The following GALNT7 variants were observed in gnomAD, a reference collection of about 807,000 sequenced individuals.
The protein encoded by GALNT7 is N-acetylgalactosaminyltransferase 7.
A neutral mutation model predicts 82.1 loss-of-function variants in GALNT7; 60 were observed. The ratio of observed to expected loss-of-function variants is 0.73; its 90% CI spans 0.59 to 0.91. GALNT7 has a LOEUF of 0.91. Among genes scored for constraint, GALNT7 ranks in the 40% least tolerant of loss-of-function variants. The pLI is 0.00. For synonymous variants in GALNT7, 243 were observed against 275.1 expected, an observed-to-expected ratio of 0.88 and a Z score of 1.15; for missense variants, 660 against 804.2, an observed-to-expected ratio of 0.82 and a Z score of 2.17.
chr4:173,271,449 G>A (rs568242311), intron 2 of GALNT7, among the ~76,000 whole-genome samples: 28 of 142,684 alleles, frequency 2.0e-4, no homozygotes, highest in African/African-American at 8.1e-4. Flanking sequence ...TTGTTTGTTT[G>A]TTTATTTATT....
chr4:173,270,480 T>C (rs1735681575), intron 2 of GALNT7, among the ~76,000 whole-genome samples: 1 of 152,220 alleles, frequency 6.6e-6, no homozygotes, highest in African/African-American at 2.4e-5. Flanking sequence ...GCCTCCTTTC[T>C]TTTATGAAGG....
At position 173,205,638 on chromosome 4, in the gene GALNT7, G is replaced by A. The variant is rs371469462; in HGVS notation, c.126+36677G>A. Among the ~76,000 whole-genome samples, 34 of 152,284 alleles carry A rather than the reference G, an allele frequency of 2.2e-4. 2 individuals carry two copies. The South Asian group carries it at 7.0e-3, about 32-fold the overall frequency. ...TCAGACCCAGTCCAATGACAGGTTA[G>A]CCAGCTGAATGACAGACCCATCCCC... On this transcript the variant is annotated intron_variant, in intron 1 of 11. Coordinates refer to ENST00000265000, the MANE Select transcript of GALNT7 (RefSeq NM_017423.3).
chr4:173,308,687 G>A (rs1012042955), intron 8 of GALNT7, among the ~76,000 whole-genome samples: 8 of 152,110 alleles, frequency 5.3e-5, no homozygotes, highest in Non-Finnish European at 8.8e-5. Flanking sequence ...GGAGGATCAC[G>A]AGGTCAGGAG....
chr4:173,235,208 G>C (rs1479030684), intron 1 of GALNT7, among the ~76,000 whole-genome samples: 2 of 152,114 alleles, frequency 1.3e-5, no homozygotes, highest in Non-Finnish European at 2.9e-5. Context: ...TCAGCCAGGG[G>C]ATTGTTTTCA....
chr4:173,251,197 A>G (rs1734835302), intron 2 of GALNT7, among the ~76,000 whole-genome samples: 1 of 152,234 alleles, frequency 6.6e-6, no homozygotes, highest in Non-Finnish European at 1.5e-5. Flanking sequence ...GAAATCAGCC[A>G]GGGTTCAAAC....
At chr4:173,269,908 A>G (rs1455651417) in intron 2 of GALNT7, among the ~76,000 whole-genome samples, 1 of 152,218 alleles carries the variant, frequency 6.6e-6, no homozygotes, top group Non-Finnish European at 1.5e-5. Context: ...AGTTGCAGTC[A>G]TGATGCTAGG....
chr4:173,265,994 A>G (rs180832853), intron 2 of GALNT7, among the ~76,000 whole-genome samples: 59 of 152,294 alleles, frequency 3.9e-4, no homozygotes, highest in Admixed American at 1.6e-3. Context: ...TCAATGGCTC[A>G]TGCCTGTAAT....
At chr4:173,282,979 A>G (rs1736169040) in intron 2 of GALNT7, among the ~76,000 whole-genome samples, 1 of 152,198 alleles carries the variant, frequency 6.6e-6, no homozygotes, top group South Asian at 2.1e-4. Context: ...ATTGCCCAGA[A>G]CTAGAATATT....
chr4:173,213,722 T>C (rs1046314149), intron 1 of GALNT7, among the ~76,000 whole-genome samples: 8 of 152,196 alleles, frequency 5.3e-5, no homozygotes, highest in African/African-American at 1.9e-4. Context: ...TTCACTCTTA[T>C]GAAATTAAAG....
chr4:173,287,802 G>A (rs972410788), intron 2 of GALNT7, among the ~76,000 whole-genome samples: 25 of 152,222 alleles, frequency 1.6e-4, no homozygotes, highest in Non-Finnish European at 2.9e-4. Context: ...GGGTCCAGGA[G>A]AGATTGTATT....
At chr4:173,226,587 G>A (rs956273866) in intron 1 of GALNT7, among the ~76,000 whole-genome samples, 3 of 152,060 alleles carry the variant, frequency 2.0e-5, no homozygotes, top group African/African-American at 4.8e-5. Context: ...CCTTCATCCC[G>A]TGATTTTCTG....
chr4:173,217,918 T>C (rs1202272551), intron 1 of GALNT7, among the ~76,000 whole-genome samples: 4 of 152,076 alleles, frequency 2.6e-5, no homozygotes, highest in Non-Finnish European at 2.9e-5. Flanking sequence ...AGCCAAAAGA[T>C]AAAAAAATGC....
At chr4:173,284,736 AAC>A (rs1736257081) in intron 2 of GALNT7, among the ~76,000 whole-genome samples, 1 of 151,960 alleles carries the variant, frequency 6.6e-6, no homozygotes, top group African/African-American at 2.4e-5. Flanking sequence ...AAAAAACAAC[AAC>A]AAAAAAAACC....
At chr4:173,189,592 C>A (rs1435409938) in intron 1 of GALNT7, among the ~76,000 whole-genome samples, 1 of 152,212 alleles carries the variant, frequency 6.6e-6, no homozygotes, top group African/African-American at 2.4e-5. Flanking sequence ...AATTTTTCTG[C>A]ATAGGCAAGA....
intron 1 of GALNT7, among the ~76,000 whole-genome samples, chr4:173,171,376 A>G (rs969163839): frequency 6.6e-6 from 1 of 152,216 alleles, no homozygotes; most frequent in African/African-American, 2.4e-5. Context: ...TGATCTACAC[A>G]TGGACTTTTT....
At chr4:173,252,070 C>G (rs1283504565) in intron 2 of GALNT7, among the ~76,000 whole-genome samples, 1 of 152,176 alleles carries the variant, frequency 6.6e-6, no homozygotes, top group Admixed American at 6.5e-5. Flanking sequence ...AGAATGTGGA[C>G]AATCTTTGGA....
chr4:173,257,749 A>G (rs1185577662), intron 2 of GALNT7, among the ~76,000 whole-genome samples: 1 of 152,216 alleles, frequency 6.6e-6, no homozygotes, highest in African/African-American at 2.4e-5. Flanking sequence ...AATGGAAAAT[A>G]TTCGTGCATT....
At chr4:173,171,153 G>A (rs899804292) in intron 1 of GALNT7, among the ~76,000 whole-genome samples, 3 of 152,194 alleles carry the variant, frequency 2.0e-5, no homozygotes, top group Non-Finnish European at 2.9e-5. Context: ...GCAATTTAAA[G>A]TGTAGCTTAT....
chr4:173,192,653 C>T (rs1357651801), intron 1 of GALNT7, among the ~76,000 whole-genome samples: 1 of 152,182 alleles, frequency 6.6e-6, no homozygotes, highest in African/African-American at 2.4e-5. Flanking sequence ...ATTGGGAAAC[C>T]ATCAGAATGC....
Sources: gnomAD v4.1 joint callset for allele counts (sites outside exome capture counted in the v4.1 genomes callset) on GRCh38, gnomAD v4.1.1 for gene constraint, MANE v1.5 for transcripts, NCBI Gene and HGNC (gene_info 2026-07-23, HGNC 2026-07-21) for gene names.